CTDSP1: variants seen among roughly 807,000 people sequenced by gnomAD.
CTDSP1 encodes the protein carboxy-terminal domain RNA polymerase II polypeptide A small phosphatase 1.
In CTDSP1, 15 loss-of-function variants were observed where a neutral mutation model predicts 32.5. The ratio of observed to expected loss-of-function variants is 0.46; its 90% CI spans 0.31 to 0.71. The LOEUF is 0.71. Ranked by LOEUF, CTDSP1 falls within the 30% of genes least tolerant of loss-of-function variation. CTDSP1 has a pLI of 0.05. For synonymous variants in CTDSP1, 185 were observed against 145.4 expected, an observed-to-expected ratio of 1.27 and a Z score of -1.96; for missense variants, 294 against 351.1, an observed-to-expected ratio of 0.84 and a Z score of 1.30.
chr2:218,396,581 T>C (rs926314719), upstream of CTDSP1: 1 of 152,528 alleles, frequency 6.6e-6, no homozygotes, highest in Non-Finnish European at 1.5e-5. Context: ...AGTGGGTCCC[T>C]CAAGGAGAGA....
intron 4 of CTDSP1, 101 bp downstream of exon 4, chr2:218,402,506 T>C: frequency 8.2e-7 from 1 of 1,220,434 alleles, no homozygotes; most frequent in Non-Finnish European, 1.2e-6. Flanking sequence ...TGGATACATG[T>C]GGAATGTCAG....
At chr2:218,400,704 A>G (rs1269884590) in intron 1 of CTDSP1, 1 of 455,746 alleles carries the variant, frequency 2.2e-6, no homozygotes, top group Non-Finnish European at 4.4e-6. Flanking sequence ...TCGGAGGCAC[A>G]GAGAGGACGG....
In CTDSP1 at chr2:218,404,616, T is replaced by A. The variant is rs1697326363; in HGVS notation, c.*191T>A. 1 of 627,324 alleles carries A rather than the reference T, an allele frequency of 1.6e-6. No homozygotes were observed. The highest frequency in any genetic ancestry group is 3.2e-5 in the Admixed American group (1 of 31,328). 38.9% of individuals were successfully genotyped at this position (627,324 alleles called of 1,614,324 possible). ...GCAGGCTGCACTGAGGACCGTGAGCTCCAGGCCCCGTGTCAGTGCCTTCAA... is the reference window on the plus strand; with the variant it reads ...GCAGGCTGCACTGAGGACCGTGAGCACCAGGCCCCGTGTCAGTGCCTTCAA... On this transcript the variant is annotated 3_prime_UTR_variant, in exon 7 of 7. Coordinates refer to ENST00000273062, the MANE Select transcript of CTDSP1 (RefSeq NM_021198.3).
chr2:218,403,020 T>C lies in CTDSP1; in HGVS notation c.379-15T>C. ...CCCCACTGGCCCGCAGCCCCCTCAC[T>C]GGCCCGCCCCCCAGGTCTACGTGTT... On this transcript the variant is annotated splice_polypyrimidine_tract_variant and intron_variant, in intron 4 of 6. Transcript: ENST00000273062. 1.2e-6 allele frequency: 2 copies of C among 1,606,902 alleles called. No homozygotes were observed. The highest frequency in any genetic ancestry group is 1.7e-6 in the Non-Finnish European group (2 of 1,174,414).
rs2227249 is a variant in CTDSP1, at chr2:218,401,662, G to A, written c.166G>A (p.Ala56Thr). The A allele has an allele frequency of 5.8e-3, 9,389 of 1,609,526 alleles. 135 individuals are homozygous for A. The highest frequency in any genetic ancestry group is 0.049 in the African/African-American group (3,693 of 74,874). ...CCGGGATGATGGGGAGGCCCTGCCTGCTCACAGCGGGGCGCCCCTGCTTGT... is the reference window on the plus strand; with the variant it reads ...CCGGGATGATGGGGAGGCCCTGCCTACTCACAGCGGGGCGCCCCTGCTTGT... ...VCRDDGEALP[A>T]HSGAPLLVEE... Residue 56 changes from alanine (A) to threonine (T), a missense_variant, in exon 2 of 7, where the codon GCT becomes ACT. By Grantham distance (58) the Ala-to-Thr change is moderately conservative. Around this residue, in one of 2 missense-constraint regions of CTDSP1, gnomAD observed 148 missense variants for 113.3 expected, o/e 1.31. Transcript: ENST00000273062.
chr2:218,399,677 C>T (rs1338873877), upstream of CTDSP1: 3 of 934,640 alleles, frequency 3.2e-6, no homozygotes, highest in Non-Finnish European at 3.8e-6. Flanking sequence ...AGAGACTCAG[C>T]CCCGCCGGCG....
At chr2:218,401,878 C>G (rs906142413) in intron 2 of CTDSP1, among the ~76,000 whole-genome samples, 166 bp downstream of exon 2, 1 of 152,172 alleles carries the variant, frequency 6.6e-6, no homozygotes, top group African/African-American at 2.4e-5. Context: ...TGTGGGGAAA[C>G]TGAATTCTCC....
chr2:218,402,845 T>A (rs1697222846), intron 4 of CTDSP1, 190 bp from the exon 5 acceptor site: 1 of 662,902 alleles, frequency 1.5e-6, no homozygotes, highest in Admixed American at 2.2e-5. Flanking sequence ...GGAGTGGAAG[T>A]TTTGATCGTT....
intron 3 of CTDSP1, 66 bp downstream of exon 3, chr2:218,402,281 G>C: frequency 6.2e-7 from 1 of 1,611,918 alleles, no homozygotes; most frequent in Non-Finnish European, 8.5e-7. Flanking sequence ...GCCTGGGAGG[G>C]AGGTGTGTGC....
At chr2:218,402,691 G>A (rs1389398823) in intron 4 of CTDSP1, 1 of 763,386 alleles carries the variant, frequency 1.3e-6, no homozygotes, top group East Asian at 2.5e-5. Context: ...GTGCTGTCCA[G>A]CCTGTTCTCC....
chr2:218,398,527 G>GC (rs1696937877), upstream of CTDSP1: 1 of 1,314,266 alleles, frequency 7.6e-7, no homozygotes, highest in Non-Finnish European at 1.0e-6. Context: ...CAGCCTCAGC[G>GC]CACGAAGCCG....
chr2:218,397,934 G>A (rs1394053716), upstream of CTDSP1, among the ~76,000 whole-genome samples: 1 of 152,228 alleles, frequency 6.6e-6, no homozygotes, highest in East Asian at 1.9e-4. Context: ...GGCTTGAAGT[G>A]GCGATAAGAT....
chr2:218,399,980 T>TGCCAACCAC lies in CTDSP1; in HGVS notation c.-111_-110insGCCAACCAC. On this transcript the variant is annotated 5_prime_UTR_variant, in exon 1 of 7. The change creates a new upstream start codon in the 5' untranslated region. Coordinates refer to ENST00000273062, the MANE Select transcript of CTDSP1 (RefSeq NM_021198.3). ...CCCTCCCCTCCGGAGCTCGCGGGGATCCCTCCCTCCCACCCCTCCCCTCCC... is the reference window on the plus strand; with the variant it reads ...CCCTCCCCTCCGGAGCTCGCGGGGATGCCAACCACCCCTCCCTCCCACCCCTCCCCTCCC... 1.1e-6 allele frequency: 1 copy of TGCCAACCAC among 946,508 alleles called. No homozygotes were observed. The highest frequency in any genetic ancestry group is 1.3e-6 in the Non-Finnish European group (1 of 770,562). The allele number at this position is 946,508 out of a possible 1,614,324, so 58.6% of individuals were successfully genotyped here.
rs939417767 is a variant in CTDSP1 at position 218,405,661 on chromosome 2, G to A, written c.*1236G>A. ...CCTGCTGGCTGGGGGCAGCTCCCAG[G>A]ATATCCTGCCTTCCAACTGTTTCTG... On this transcript the variant is annotated 3_prime_UTR_variant, in exon 7 of 7. Coordinates refer to ENST00000273062, the MANE Select transcript of CTDSP1 (RefSeq NM_021198.3). 4.0e-4 allele frequency: 62 copies of A among 153,142 alleles called. No homozygotes were observed. Among genetic ancestry groups the A allele is most frequent in the African/African-American group, 1.4e-3 (59 of 41,578 alleles). 9.5% of individuals were successfully genotyped at this position (153,142 alleles called of 1,614,324 possible). A position where few individuals can be genotyped will look rare whatever the true frequency, so the allele number is the denominator to read the frequency against.
chr2:218,402,243 C>T (rs776007664), intron 3 of CTDSP1, 28 bp downstream of exon 3: 31 of 1,611,204 alleles, frequency 1.9e-5, no homozygotes, highest in Middle Eastern at 1.6e-4. Context: ...GCCCTCAGCC[C>T]GGGTCTCGGG....
At chr2:218,402,734 C>T (rs1377334995) in intron 4 of CTDSP1, 1 of 753,850 alleles carries the variant, frequency 1.3e-6, no homozygotes, top group South Asian at 1.4e-5. Flanking sequence ...GCCCTGCAGC[C>T]TTGGGGTGAG....
intron 4 of CTDSP1, 81 bp downstream of exon 4, chr2:218,402,486 G>A (rs774816654): frequency 2.4e-4 from 344 of 1,409,760 alleles, no homozygotes; most frequent in Non-Finnish European, 3.3e-4. Context: ...GGAGCGCCTC[G>A]GATGGGAATT....
At chr2:218,398,003 G>A (rs1215942055), upstream of CTDSP1, among the ~76,000 whole-genome samples, 1 of 152,208 alleles carries the variant, frequency 6.6e-6, no homozygotes, top group East Asian at 1.9e-4. Context: ...GGCGCGTCTG[G>A]GAATGGTGGG....
Position 218,399,872 on chromosome 2 carries a change from C to A in CTDSP1, c.-219C>A, listed in dbSNP as rs898029551. The A allele has an allele frequency of 1.9e-4, 238 of 1,245,202 alleles. No individual in the cohort carries two copies. The highest frequency in any genetic ancestry group is 2.3e-4 in the Non-Finnish European group (229 of 994,500). The allele number at this position is 1,245,202 out of a possible 1,614,324, so 77.1% of individuals were successfully genotyped here. A position where few individuals can be genotyped will look rare whatever the true frequency, so the allele number is the denominator to read the frequency against. On this transcript the variant is annotated 5_prime_UTR_variant, in exon 1 of 7. Coordinates refer to ENST00000273062, the MANE Select transcript of CTDSP1 (RefSeq NM_021198.3). Reference sequence around the variant, plus strand: ...CGGCGCCTGGGTTCCATGTTTGCATCCGCCTCGCGGGAAGGAAACTCCATG... The same window carrying A: ...CGGCGCCTGGGTTCCATGTTTGCATACGCCTCGCGGGAAGGAAACTCCATG...
Sources: gnomAD v4.1 joint callset for allele counts (sites outside exome capture counted in the v4.1 genomes callset) on GRCh38, gnomAD v4.1.1 for gene constraint, gnomAD v4.1.1 regional missense constraint, MANE v1.5 for transcripts, NCBI Gene and HGNC (gene_info 2026-07-23, HGNC 2026-07-21) for gene names.